Variants in DAB1 observed in about 807,000 individuals in gnomAD.
DAB1 encodes disabled homolog 1.
In DAB1, 15 loss-of-function variants were observed where a neutral mutation model predicts 64.6. That is an observed-to-expected ratio of 0.23 (90% CI 0.16 to 0.36). The LOEUF (loss-of-function observed/expected upper bound fraction) is 0.36. Among genes scored for constraint, DAB1 ranks in the 10% least tolerant of loss-of-function variants. DAB1 has a pLI of 1.00. For missense variants in DAB1, 596 were observed against 706.7 expected (o/e 0.84, Z 1.78); for synonymous variants, 235 against 251.9 (o/e 0.93, Z 0.64).
Position 57,975,453 on chromosome 1 carries a change from C to A in DAB1, n.388-91291G>T, listed in dbSNP as rs185562392. On this transcript the variant is annotated intron_variant and non_coding_transcript_variant, in intron 5 of 20. Coordinates refer to the DAB1 transcript ENST00000485760. ...AAATTCATATTCCAATTGAAGCAGGCAAAACATGACTTGTGTCCTGAAGGA... is the reference window on the plus strand; with the variant it reads ...AAATTCATATTCCAATTGAAGCAGGAAAAACATGACTTGTGTCCTGAAGGA... Among the ~76,000 whole-genome samples, 811 of 152,154 alleles carry A rather than the reference C, an allele frequency of 5.3e-3. 7 individuals are homozygous for A. The highest frequency in any genetic ancestry group is 0.019 in the African/African-American group (781 of 41,522).
intron 1 of DAB1, among the ~76,000 whole-genome samples, chr1:57,348,033 T>C (rs1193136340): frequency 6.6e-6 from 1 of 152,226 alleles, no homozygotes; most frequent in African/African-American, 2.4e-5. Flanking sequence ...GGTGGAATAG[T>C]TGGCTCTTTG....
At chr1:57,036,060 C>G (rs1466717792) in intron 9 of DAB1, among the ~76,000 whole-genome samples, 1 of 151,814 alleles carries the variant, frequency 6.6e-6, no homozygotes, top group Non-Finnish European at 1.5e-5. Flanking sequence ...CCAGGCTGGT[C>G]TTGAACTCCT....
chr1:57,885,446 T>C (rs74860695), upstream of DAB1, among the ~76,000 whole-genome samples: 13 of 152,246 alleles, frequency 8.5e-5, no homozygotes, highest in East Asian at 2.5e-3. Context: ...TGATGGTATA[T>C]GTTATAACAG....
chr1:57,749,112 T>C lies in DAB1; in HGVS notation n.552-99447A>G, dbSNP rs112875162. Among the ~76,000 whole-genome samples the C allele has an allele frequency of 5.4e-3, 820 of 152,296 alleles. 10 individuals are homozygous for C. Among genetic ancestry groups the C allele is most frequent in the African/African-American group, 0.019 (781 of 41,578 alleles). On this transcript the variant is annotated intron_variant and non_coding_transcript_variant, in intron 6 of 20. Transcript: ENST00000485760. Reference sequence around the variant, plus strand: ...TATTCTCTGGAATCAGATGTGTACATGACTAAAAACACCATGGTCACCCTA... The same window carrying C: ...TATTCTCTGGAATCAGATGTGTACACGACTAAAAACACCATGGTCACCCTA...
At chr1:57,972,565 G>T (rs905392390) in intron 5 of DAB1, among the ~76,000 whole-genome samples, 1 of 152,094 alleles carries the variant, frequency 6.6e-6, no homozygotes, top group East Asian at 1.9e-4. Context: ...CCTAAAAGGG[G>T]ACTTCATAAG....
At chr1:57,355,286 T>TC (rs1303146468) in intron 1 of DAB1, among the ~76,000 whole-genome samples, 1 of 151,944 alleles carries the variant, frequency 6.6e-6, no homozygotes, top group African/African-American at 2.4e-5. Flanking sequence ...CATTTTTTTT[T>TC]CCATCCTTGG....
At chr1:57,033,294 A>G (rs995969100) in intron 9 of DAB1, 1 of 1,350,658 alleles carries the variant, frequency 7.4e-7, no homozygotes, top group Admixed American at 1.7e-5. Flanking sequence ...CAGGGCAGGA[A>G]ATCTGCCATT....
intron 4 of DAB1, among the ~76,000 whole-genome samples, chr1:58,268,175 T>A (rs1661219613): frequency 1.3e-5 from 2 of 152,172 alleles, no homozygotes; most frequent in Non-Finnish European, 2.9e-5. Context: ...ATATCTTTAA[T>A]TTAAAAAATT....
chr1:58,075,742 C>T (rs972777967), intron 5 of DAB1, among the ~76,000 whole-genome samples: 4 of 152,100 alleles, frequency 2.6e-5, no homozygotes, highest in African/African-American at 9.7e-5. Context: ...GAGAGCTGTC[C>T]GACTCTCTCT....
intron 4 of DAB1, among the ~76,000 whole-genome samples, chr1:58,309,758 G>T: frequency 6.6e-6 from 1 of 152,072 alleles, no homozygotes; most frequent in East Asian, 1.9e-4. Context: ...GAGTACTAAT[G>T]ACTGTATTAA....
At chr1:57,992,857 A>G (rs2100380460) in intron 5 of DAB1, among the ~76,000 whole-genome samples, 1 of 152,144 alleles carries the variant, frequency 6.6e-6, no homozygotes, top group African/African-American at 2.4e-5. Flanking sequence ...TGGCCAGGAA[A>G]CCAAATTCCA....
At chr1:58,072,089 G>GGC (rs1207130456) in intron 5 of DAB1, among the ~76,000 whole-genome samples, 3 of 126,912 alleles carry the variant, frequency 2.4e-5, no homozygotes, top group African/African-American at 8.5e-5. Flanking sequence ...GTGGGGTGGG[G>GGC]GGGGGTGGGT....
intron 1 of DAB1, among the ~76,000 whole-genome samples, chr1:57,324,355 C>T (rs961031256): frequency 6.6e-5 from 10 of 152,164 alleles, no homozygotes; most frequent in African/African-American, 2.4e-4. Flanking sequence ...TAGGCTTTCT[C>T]CTATGACAAA....
intron 1 of DAB1, among the ~76,000 whole-genome samples, chr1:57,373,263 G>A (rs1020619513): frequency 6.6e-6 from 1 of 152,156 alleles, no homozygotes; most frequent in African/African-American, 2.4e-5. Flanking sequence ...TGGTTTGTTG[G>A]ATCCATCCCT....
intron 1 of DAB1, among the ~76,000 whole-genome samples, chr1:57,401,097 A>G (rs192073795): frequency 2.2e-4 from 34 of 152,286 alleles, no homozygotes; most frequent in Admixed American, 2.0e-3. Flanking sequence ...AAATAATCAG[A>G]TAAGTATAAA....
chr1:57,818,263 A>T (rs1416021341), intron 6 of DAB1, among the ~76,000 whole-genome samples: 1 of 152,204 alleles, frequency 6.6e-6, no homozygotes, highest in Non-Finnish European at 1.5e-5. Flanking sequence ...GCCTTAAAAC[A>T]CAAAGGAATA....
intron 6 of DAB1, among the ~76,000 whole-genome samples, chr1:57,691,595 C>T (rs1439471552): frequency 6.6e-6 from 1 of 152,162 alleles, no homozygotes; most frequent in Admixed American, 6.6e-5. Context: ...TCTGTGGCTT[C>T]ATTCTTCAAG....
At chr1:57,121,426 A>T (rs1335424711) in intron 4 of DAB1, among the ~76,000 whole-genome samples, 1 of 151,992 alleles carries the variant, frequency 6.6e-6, no homozygotes, top group Non-Finnish European at 1.5e-5. Flanking sequence ...GCATCAGGGA[A>T]GTGGGGGAAG....
intron 2 of DAB1, among the ~76,000 whole-genome samples, chr1:57,243,161 G>T (rs994291367): frequency 6.6e-6 from 1 of 152,180 alleles, no homozygotes; most frequent in Non-Finnish European, 1.5e-5. Context: ...AAATGGAAAA[G>T]ATATGATTGA....
Sources: gnomAD v4.1 joint callset for allele counts (sites outside exome capture counted in the v4.1 genomes callset) on GRCh38, gnomAD v4.1.1 for gene constraint, MANE v1.5 for transcripts, NCBI Gene and HGNC (gene_info 2026-07-23, HGNC 2026-07-21) for gene names.